Variants in ATRN observed in about 807,000 individuals in gnomAD.
ATRN encodes attractin-2.
In ATRN, 54 loss-of-function variants were observed where a neutral mutation model predicts 178.7. That is an observed-to-expected ratio of 0.30 (90% confidence interval 0.24 to 0.38). The LOEUF (loss-of-function observed/expected upper bound fraction) is 0.38, where lower values mean the gene tolerates loss of function less well. ATRN is among the 10% of genes least tolerant of loss of function. The pLI is 1.00. For missense variants in ATRN, 1,443 were observed against 1,815.1 expected (o/e 0.79, Z 3.73); for synonymous variants, 636 against 663.0 (o/e 0.96, Z 0.63).
intron 1 of ATRN, among the ~76,000 whole-genome samples, chr20:3,498,812 A>G (rs1169183344): frequency 4.1e-5 from 6 of 145,704 alleles, no homozygotes; most frequent in African/African-American, 1.0e-4. Flanking sequence ...TATTCAACAT[A>G]GTGTTGGAAG....
chr20:3,540,427 T>G, intron 3 of ATRN, 92 bp downstream of exon 3: 1 of 776,284 alleles, frequency 1.3e-6, no homozygotes, highest in Non-Finnish European at 2.1e-6. Context: ...TCACCTTTAT[T>G]ATCACTTAAC....
chr20:3,597,057 T>G (rs1022968532), intron 21 of ATRN, among the ~76,000 whole-genome samples: 3 of 132,480 alleles, frequency 2.3e-5, no homozygotes, highest in Non-Finnish European at 4.8e-5. Context: ...TGAATATGAC[T>G]TCATATATAT....
chr20:3,555,269 C>G (rs1035612672), intron 6 of ATRN, among the ~76,000 whole-genome samples: 2 of 152,038 alleles, frequency 1.3e-5, no homozygotes, highest in South Asian at 4.2e-4. Context: ...TCCCAAAGTG[C>G]TGGGATTACA....
At chr20:3,560,400 T>C (rs1369516320) in intron 7 of ATRN, among the ~76,000 whole-genome samples, 1 of 152,216 alleles carries the variant, frequency 6.6e-6, no homozygotes, top group Non-Finnish European at 1.5e-5. Context: ...TATCCATTGA[T>C]AGACACGTTG....
intron 25 of ATRN, among the ~76,000 whole-genome samples, chr20:3,633,921 C>G (rs916102192): frequency 6.6e-6 from 1 of 152,192 alleles, no homozygotes; most frequent in African/African-American, 2.4e-5. Context: ...TAATAATTAA[C>G]TTTTTCACCT....
At chr20:3,580,965 G>A (rs2086275228) in intron 15 of ATRN, among the ~76,000 whole-genome samples, 1 of 152,170 alleles carries the variant, frequency 6.6e-6, no homozygotes, top group African/African-American at 2.4e-5. Flanking sequence ...AAATAGGCTG[G>A]GTGTGGTGGC....
chr20:3,572,812 T>G lies in ATRN; in HGVS notation c.1953T>G (p.His651Gln). The G allele has an allele frequency of 6.2e-7, 1 of 1,614,054 alleles. No individual in the cohort carries two copies. Among genetic ancestry groups the G allele is most frequent in the Non-Finnish European group, 8.5e-7 (1 of 1,180,016 alleles). The change falls in exon 12 of 29, where the codon CAT becomes CAG. Residue 651 changes from histidine to glutamine, a missense_variant. Around this residue, in one of 4 missense-constraint regions of ATRN, gnomAD observed 862 missense variants for 972.1 expected, o/e 0.89. Coordinates refer to ENST00000262919, the MANE Select transcript of ATRN (RefSeq NM_139321.3). ...TCACCTCGGAACAGTGTGATGCGCA[T>G]CGGAGTGAAGCCGCTTGTTTAGCAG... ...LVFTSEQCDAHRSEAACLAAG... is the reference protein window; with the variant it reads ...LVFTSEQCDAQRSEAACLAAG...
intron 1 of ATRN, among the ~76,000 whole-genome samples, chr20:3,528,812 T>G (rs1443218644): frequency 6.6e-6 from 1 of 152,080 alleles, no homozygotes; most frequent in African/African-American, 2.4e-5. Flanking sequence ...ACTCAGAATC[T>G]TTTTTATCTT....
chr20:3,557,989 G>T (rs2085901010), intron 6 of ATRN, among the ~76,000 whole-genome samples: 1 of 152,120 alleles, frequency 6.6e-6, no homozygotes, highest in South Asian at 2.1e-4. Context: ...AAAAGGAAAG[G>T]CTTAGAGAAA....
intron 1 of ATRN, among the ~76,000 whole-genome samples, chr20:3,498,709 A>G (rs1036372633): frequency 2.5e-4 from 38 of 152,012 alleles, no homozygotes; most frequent in African/African-American, 7.7e-4. Context: ...ATCTATGACA[A>G]ACCCACAGCT....
At chr20:3,484,433 C>A (rs914945850) in intron 1 of ATRN, among the ~76,000 whole-genome samples, 1 of 152,028 alleles carries the variant, frequency 6.6e-6, no homozygotes, top group African/African-American at 2.4e-5. Flanking sequence ...CCATTCTGAT[C>A]TTTTATCCAC....
intron 1 of ATRN, among the ~76,000 whole-genome samples, chr20:3,514,678 G>T (rs1380311116): frequency 6.6e-6 from 1 of 152,168 alleles, no homozygotes; most frequent in Non-Finnish European, 1.5e-5. Context: ...ATACTTCCTT[G>T]GCTGGGTGAG....
rs1056882154 is a variant in ATRN, at chr20:3,647,967, C to T, written c.*1120C>T. Reference sequence around the variant, plus strand: ...CAGAGGAAAGGACTCATTCATGTCACGCTTCCTTGAGCAGAAAAGAGCACT... The same window carrying T: ...CAGAGGAAAGGACTCATTCATGTCATGCTTCCTTGAGCAGAAAAGAGCACT... On this transcript the variant is annotated 3_prime_UTR_variant, in exon 29 of 29. Transcript: ENST00000262919. 8 of 152,348 alleles carry T rather than the reference C, an allele frequency of 5.3e-5. No individual in the cohort carries two copies. The highest frequency in any genetic ancestry group is 3.9e-4 in the Admixed American group (6 of 15,308). The allele number at this position is 152,348 out of a possible 1,614,324, so 9.4% of individuals were successfully genotyped here.
intron 24 of ATRN, among the ~76,000 whole-genome samples, chr20:3,610,597 G>A (rs1208939640): frequency 7.8e-6 from 1 of 127,498 alleles, no homozygotes; most frequent in African/African-American, 3.1e-5. Flanking sequence ...TTTTGAGACA[G>A]GGTCTCACTT....
At position 3,632,317 on chromosome 20, in the gene ATRN, C is replaced by G; in HGVS notation, c.3864-1994C>G. ...TCTCAGCAAACGTTAAATCACAACACTCTGTTTAAAAACCTGCACTGGCTC... is the reference window on the plus strand; with the variant it reads ...TCTCAGCAAACGTTAAATCACAACAGTCTGTTTAAAAACCTGCACTGGCTC... On this transcript the variant is annotated intron_variant, in intron 25 of 28. Coordinates refer to ENST00000262919, the MANE Select transcript of ATRN (RefSeq NM_139321.3). This position sits in a 1 kb window ranked among gnomAD's most constrained non-coding sequence, Gnocchi z 4.2. Among the ~76,000 whole-genome samples, 1 of 152,176 alleles carries G rather than the reference C, an allele frequency of 6.6e-6. No individual in the cohort carries two copies. The highest frequency in any genetic ancestry group is 1.5e-5 in the Non-Finnish European group (1 of 68,036).
In ATRN at chr20:3,471,068, T is replaced by C. The variant is rs751794721; in HGVS notation, c.-40T>C. On this transcript the variant is annotated 5_prime_UTR_variant, in exon 1 of 29. Coordinates refer to ENST00000262919, the MANE Select transcript of ATRN (RefSeq NM_139321.3). ...GAAGCGGAGCCGGCCGTGCGGTGTGTGTGTATGTGTTCGCGGGGCGCCGTC... is the reference window on the plus strand; with the variant it reads ...GAAGCGGAGCCGGCCGTGCGGTGTGCGTGTATGTGTTCGCGGGGCGCCGTC... 6.9e-7 allele frequency: 1 copy of C among 1,458,004 alleles called. No individual in the cohort carries two copies. Among genetic ancestry groups the C allele is most frequent in the South Asian group, 1.2e-5 (1 of 80,238 alleles). The allele number at this position is 1,458,004 out of a possible 1,614,324, so 90.3% of individuals were successfully genotyped here. A position where few individuals can be genotyped will look rare whatever the true frequency, so the allele number is the denominator to read the frequency against.
At chr20:3,516,552 A>G (rs2085208812) in intron 1 of ATRN, among the ~76,000 whole-genome samples, 1 of 152,172 alleles carries the variant, frequency 6.6e-6, no homozygotes, top group African/African-American at 2.4e-5. Context: ...TAGTTGGGAT[A>G]CTTTTGATTG....
intron 26 of ATRN, among the ~76,000 whole-genome samples, chr20:3,635,360 A>AAGT (rs1404620668): frequency 6.8e-6 from 1 of 146,352 alleles, no homozygotes; most frequent in Non-Finnish European, 1.5e-5. Flanking sequence ...AAACCTATTG[A>AAGT]AATAATAAAT....
At chr20:3,562,252 C>T in intron 8 of ATRN, 24 bp from the exon 9 acceptor site, 1 of 1,596,578 alleles carries the variant, frequency 6.3e-7, no homozygotes, top group Non-Finnish European at 8.6e-7. Flanking sequence ...GCCATGCTTG[C>T]CTTTAACTGT....
Sources: gnomAD v4.1 joint callset for allele counts (sites outside exome capture counted in the v4.1 genomes callset) on GRCh38, gnomAD v4.1.1 for gene constraint, gnomAD v4.1.1 regional missense constraint, Gnocchi (gnomAD v3.1) non-coding constraint, MANE v1.5 for transcripts, NCBI Gene and HGNC (gene_info 2026-07-23, HGNC 2026-07-21) for gene names.